SIK2: variants seen among roughly 807,000 people sequenced by gnomAD.
SIK2 encodes the protein salt inducible kinase 2, also known as serine/threonine-protein kinase SIK2.
A neutral mutation model predicts 103.2 loss-of-function variants in SIK2; 29 were observed. That is an observed-to-expected ratio of 0.28 (90% CI 0.21 to 0.38). SIK2 has a LOEUF of 0.38. Ranked by LOEUF, SIK2 falls within the 10% of genes least tolerant of loss-of-function variation. The probability of loss-of-function intolerance (pLI) is 1.00; values close to 1 mark genes in which losing one functional copy is unlikely to be tolerated. For missense variants in SIK2, 879 were observed against 1,171.0 expected, an observed-to-expected ratio of 0.75 and a Z score of 3.64; for synonymous variants, 412 against 446.1, an observed-to-expected ratio of 0.92 and a Z score of 0.96.
chr11:111,631,333 G>A (rs1206574028), intron 3 of SIK2, among the ~76,000 whole-genome samples: 3 of 152,158 alleles, frequency 2.0e-5, no homozygotes, highest in South Asian at 2.1e-4. Context: ...GATTGTCAGG[G>A]GATGAATAGA....
chr11:111,724,315 C>A lies in SIK2; in HGVS notation c.*186C>A. 1.2e-6 allele frequency: 1 copy of A among 836,230 alleles called. No homozygotes were observed. Among genetic ancestry groups the A allele is most frequent in the Non-Finnish European group, 1.8e-6 (1 of 556,830 alleles). The allele number at this position is 836,230 out of a possible 1,614,324, so 51.8% of individuals were successfully genotyped here. On this transcript the variant is annotated 3_prime_UTR_variant, in exon 15 of 15. Transcript: ENST00000304987. ...GCTTCCTCCTGGTTCTGCCCCACCA[C>A]AAAGTTTTCTGTGGCAAGTGCTGGA...
chr11:111,711,681 T>G (rs1458081124), intron 8 of SIK2, among the ~76,000 whole-genome samples: 1 of 152,208 alleles, frequency 6.6e-6, no homozygotes, highest in Non-Finnish European at 1.5e-5. Context: ...TTTCTTCCTC[T>G]TCGCATACAC....
chr11:111,623,526 A>G (rs1045391113), intron 3 of SIK2, among the ~76,000 whole-genome samples: 1 of 152,216 alleles, frequency 6.6e-6, no homozygotes, highest in African/African-American at 2.4e-5. Flanking sequence ...AGTTAAGCCT[A>G]CTTGGAAACA....
In SIK2 at chr11:111,723,824, C is replaced by T; in HGVS notation, c.2476C>T (p.Pro826Ser). 1 of 1,613,512 alleles carries T rather than the reference C, an allele frequency of 6.2e-7. No individual in the cohort carries two copies. Among genetic ancestry groups the T allele is most frequent in the Non-Finnish European group, 8.5e-7 (1 of 1,179,866 alleles). ...TQLQQQQPPP[P>S]PPPPPPRQPG... ...GCTACAGCAGCAGCAGCCGCCACCGCCACCACCCCCTCCACCACCACGACA... is the reference window on the plus strand; with the variant it reads ...GCTACAGCAGCAGCAGCCGCCACCGTCACCACCCCCTCCACCACCACGACA... Residue 826 changes from proline to serine, a missense_variant, in exon 15 of 15, where the codon CCA becomes TCA. Pro to Ser is a moderately conservative substitution (Grantham distance 74, BLOSUM62 -1). Around this residue, in one of 7 missense-constraint regions of SIK2, gnomAD observed 375 missense variants for 416.3 expected, o/e 0.90. Coordinates refer to ENST00000304987, the MANE Select transcript of SIK2 (RefSeq NM_015191.3).
At chr11:111,659,671 C>T (rs1027465499) in intron 3 of SIK2, among the ~76,000 whole-genome samples, 3 of 151,708 alleles carry the variant, frequency 2.0e-5, no homozygotes, top group African/African-American at 4.9e-5. Context: ...TGGCAGCTTC[C>T]GTCTTTGTCT....
At chr11:111,681,786 C>A (rs554860086) in intron 3 of SIK2, among the ~76,000 whole-genome samples, 1 of 152,262 alleles carries the variant, frequency 6.6e-6, no homozygotes, top group South Asian at 2.1e-4. Flanking sequence ...TAAAAAATCA[C>A]AATTTTGCAA....
intron 1 of SIK2, among the ~76,000 whole-genome samples, chr11:111,614,113 G>A (rs1046410216): frequency 1.0e-4 from 14 of 139,388 alleles, no homozygotes; most frequent in Non-Finnish European, 2.0e-4. Context: ...ACAGAGTCTC[G>A]CTCTGTCGCC....
intron 3 of SIK2, among the ~76,000 whole-genome samples, chr11:111,655,107 A>C (rs1942374712): frequency 6.6e-6 from 1 of 152,188 alleles, no homozygotes; most frequent in African/African-American, 2.4e-5. Context: ...TTTTCAAAAA[A>C]ATGTTTTTCT....
chr11:111,667,898 A>G (rs1942568336), intron 3 of SIK2, among the ~76,000 whole-genome samples: 1 of 152,206 alleles, frequency 6.6e-6, no homozygotes, highest in Non-Finnish European at 1.5e-5. Context: ...TGAATTTGAG[A>G]GAAAGAGAAT....
chr11:111,606,381 T>C (rs1941648239), intron 1 of SIK2, among the ~76,000 whole-genome samples: 1 of 152,104 alleles, frequency 6.6e-6, no homozygotes, highest in African/African-American at 2.4e-5. Context: ...GAATAACCCA[T>C]TCTTAACATT....
intron 4 of SIK2, among the ~76,000 whole-genome samples, chr11:111,699,577 C>T (rs1943162040): frequency 6.6e-6 from 1 of 152,192 alleles, no homozygotes. Flanking sequence ...CTGTAGTTCT[C>T]ATAACTTCAT....
In SIK2 at chr11:111,634,452, CT is replaced by C. The variant is rs373647128; in HGVS notation, c.316+14060del. 7.0e-3 allele frequency among the ~76,000 whole-genome samples: 1,047 copies of C among 149,636 alleles called. 10 individuals carry two copies. The highest frequency in any genetic ancestry group is 0.023 in the African/African-American group (929 of 40,886). On this transcript the variant is annotated intron_variant, in intron 3 of 14. Transcript: ENST00000304987. ...GCCAGTATGAACCTAAGTTTTAATT[CT>C]TTTTTTTTTCCACTTATTATTAACC...
rs2135984973 is a variant in SIK2 at position 111,725,449 on chromosome 11, A to C, written c.*1320A>C. 2 of 152,652 alleles carry C rather than the reference A, an allele frequency of 1.3e-5. No homozygotes were observed. The highest frequency in any genetic ancestry group is 4.8e-5 in the African/African-American group (2 of 41,566). The allele number at this position is 152,652 out of a possible 1,614,324, so 9.5% of individuals were successfully genotyped here. On this transcript the variant is annotated 3_prime_UTR_variant, in exon 15 of 15. Coordinates refer to ENST00000304987, the MANE Select transcript of SIK2 (RefSeq NM_015191.3). ...CCAACACTTACAATTCAGTCATCAAAGTAAGTAAAAATTAGATGCTACAGC... is the reference window on the plus strand; with the variant it reads ...CCAACACTTACAATTCAGTCATCAACGTAAGTAAAAATTAGATGCTACAGC...
rs1443264890 is a variant in SIK2, at chr11:111,719,978, T to C, written c.1470T>C (p.Asn490=). The change falls in exon 10 of 15, where the codon AAT becomes AAC. Residue 490 remains asparagine, a synonymous_variant. Transcript: ENST00000304987. The part of the protein sequence containing the change: ...QRRHTLSEVT[N]QLVVMPGAGK... ...GGCACACTCTGTCAGAAGTGACCAA[T>C]CAACTGGTCGTGATGCCTGGGGCAG... 6.2e-7 allele frequency: 1 copy of C among 1,613,862 alleles called. No individual in the cohort carries two copies. Among genetic ancestry groups the C allele is most frequent in the East Asian group, 2.2e-5 (1 of 44,894 alleles).
chr11:111,703,079 A>T, intron 6 of SIK2, 124 bp from the exon 7 acceptor site: 1 of 760,610 alleles, frequency 1.3e-6, no homozygotes, highest in Non-Finnish European at 2.1e-6. Flanking sequence ...TATTCATTTG[A>T]CCTTCTGCTT....
At chr11:111,608,127 A>G (rs891603998) in intron 1 of SIK2, among the ~76,000 whole-genome samples, 2 of 152,208 alleles carry the variant, frequency 1.3e-5, no homozygotes, top group African/African-American at 4.8e-5. Flanking sequence ...GAAATAAATT[A>G]TATAAAACTT....
intron 3 of SIK2, among the ~76,000 whole-genome samples, chr11:111,647,342 C>T (rs1942270214): frequency 6.6e-6 from 1 of 152,134 alleles, no homozygotes; most frequent in South Asian, 2.1e-4. Context: ...TCCCTCCAGA[C>T]ATATGACAGA....
Position 111,644,327 on chromosome 11 carries a change from A to C in SIK2, c.316+23925A>C, listed in dbSNP as rs571053766. 4.0e-5 allele frequency among the ~76,000 whole-genome samples: 6 copies of C among 151,674 alleles called. No individual in the cohort carries two copies. The South Asian group carries it at 1.2e-3, about 32-fold the overall frequency. On this transcript the variant is annotated intron_variant, in intron 3 of 14. Coordinates refer to ENST00000304987, the MANE Select transcript of SIK2 (RefSeq NM_015191.3). ...AAAGAAAGAAAGAAAAAAGAAAAGA[A>C]AGAGAAATCCGAAATCCTTATTTTC...
At chr11:111,689,984 GTATA>G (rs34362451) in intron 4 of SIK2, among the ~76,000 whole-genome samples, 4 of 148,692 alleles carry the variant, frequency 2.7e-5, no homozygotes, top group Middle Eastern at 3.4e-3. Context: ...GTGTGTATGT[GTATA>G]TATATATATA....
Sources: allele counts gnomAD v4.1 joint callset (sites outside exome capture counted in the v4.1 genomes callset), GRCh38; gene constraint gnomAD v4.1.1; regional missense constraint gnomAD v4.1.1; transcripts MANE v1.5; gene names NCBI Gene and HGNC (gene_info 2026-07-23, HGNC 2026-07-21).